TMEM132D: variants seen among roughly 807,000 people sequenced by gnomAD.
The protein encoded by TMEM132D is transmembrane protein 132D.
A neutral mutation model predicts 62.3 loss-of-function variants in TMEM132D; 21 were observed. The ratio of observed to expected loss-of-function variants is 0.34; its 90% CI spans 0.24 to 0.49. The LOEUF (loss-of-function observed/expected upper bound fraction) is 0.49. Among genes scored for constraint, TMEM132D ranks in the 20% least tolerant of loss-of-function variants. The pLI, the probability that TMEM132D is intolerant of heterozygous loss-of-function variation, is 0.99. For missense variants in TMEM132D, 1,346 were observed against 1,402.8 expected (o/e 0.96, Z 0.65); for synonymous variants, 621 against 575.6 (o/e 1.08, Z -1.13).
At chr12:129,405,686 A>G (rs1331943689) in intron 3 of TMEM132D, among the ~76,000 whole-genome samples, 1 of 152,156 alleles carries the variant, frequency 6.6e-6, no homozygotes, top group Non-Finnish European at 1.5e-5. Context: ...TACATGGAGT[A>G]GTCAGGATGA....
At chr12:129,739,538 C>T (rs544858332) in intron 1 of TMEM132D, among the ~76,000 whole-genome samples, 1 of 152,308 alleles carries the variant, frequency 6.6e-6, no homozygotes, top group East Asian at 1.9e-4. Flanking sequence ...AATGGGATTT[C>T]CTGGACTGCT....
intron 2 of TMEM132D, among the ~76,000 whole-genome samples, chr12:129,552,067 T>C (rs940535659): frequency 6.6e-6 from 1 of 152,166 alleles, no homozygotes; most frequent in African/African-American, 2.4e-5. Context: ...GAAAAAGTAC[T>C]AGTGTTGGGC....
intron 3 of TMEM132D, among the ~76,000 whole-genome samples, chr12:129,476,148 C>A (rs2137050261): frequency 6.6e-6 from 1 of 152,274 alleles, no homozygotes; most frequent in Admixed American, 6.5e-5. Context: ...TGGCAACACG[C>A]AGCAAATGTG....
At chr12:129,080,384 A>C (rs566243360) in intron 7 of TMEM132D, among the ~76,000 whole-genome samples, 1 of 152,302 alleles carries the variant, frequency 6.6e-6, no homozygotes, top group Admixed American at 6.5e-5. Context: ...GTCTTTCAGC[A>C]CACACCCAGC....
chr12:129,299,316 T>C (rs1339532452), intron 4 of TMEM132D, among the ~76,000 whole-genome samples: 1 of 152,146 alleles, frequency 6.6e-6, no homozygotes, highest in Non-Finnish European at 1.5e-5. Context: ...AAACTGGTGC[T>C]GATGATACTG....
intron 4 of TMEM132D, among the ~76,000 whole-genome samples, chr12:129,246,908 T>G (rs959062814): frequency 1.3e-5 from 2 of 152,146 alleles, no homozygotes; most frequent in African/African-American, 4.8e-5. Context: ...GCTAGTTGAG[T>G]TCATTTACTG....
Position 129,526,652 on chromosome 12 carries a change from CTTTGT to C in TMEM132D, c.1115+4402_1115+4406del, listed in dbSNP as rs1744326475. 9.9e-5 allele frequency among the ~76,000 whole-genome samples: 15 copies of C among 152,246 alleles called. No homozygotes were observed. The South Asian group carries it at 3.1e-3, about 32-fold the overall frequency. On this transcript the variant is annotated intron_variant, in intron 3 of 8. Transcript: ENST00000422113. ...TGCTGGTAATAAATCATGTTTCCTA[CTTTGT>C]TTTGAAGTATGGTTTGGTCATGTGA...
chr12:129,634,200 C>T (rs748236463), intron 2 of TMEM132D, among the ~76,000 whole-genome samples: 18 of 152,078 alleles, frequency 1.2e-4, no homozygotes, highest in African/African-American at 3.6e-4. Context: ...AGGCAGGACA[C>T]GGTGGCTCAC....
chr12:129,610,905 G>A (rs560439447), intron 2 of TMEM132D, among the ~76,000 whole-genome samples: 4 of 152,278 alleles, frequency 2.6e-5, no homozygotes, highest in African/African-American at 9.6e-5. Context: ...CAAACATTCT[G>A]ATAACAGACA....
chr12:129,719,381 T>C (rs953785320), intron 1 of TMEM132D, among the ~76,000 whole-genome samples: 1 of 152,158 alleles, frequency 6.6e-6, no homozygotes, highest in Non-Finnish European at 1.5e-5. Context: ...TACATTTCCT[T>C]GAATGGAAAA....
At chr12:129,680,000 T>G (rs1044756322) in intron 2 of TMEM132D, among the ~76,000 whole-genome samples, 1 of 152,186 alleles carries the variant, frequency 6.6e-6, no homozygotes, top group East Asian at 1.9e-4. Context: ...TAAATTGCAC[T>G]TGTCCATGCT....
intron 5 of TMEM132D, among the ~76,000 whole-genome samples, chr12:129,139,555 C>G (rs149661100): frequency 6.6e-6 from 1 of 152,162 alleles, no homozygotes; most frequent in Non-Finnish European, 1.5e-5. Flanking sequence ...ATAGAAAACA[C>G]CAAGCAAAAG....
intron 1 of TMEM132D, among the ~76,000 whole-genome samples, chr12:129,811,916 C>T (rs566714780): frequency 2.0e-5 from 3 of 151,844 alleles, no homozygotes; most frequent in African/African-American, 7.2e-5. Context: ...TGGAAGCCAG[C>T]TCTCCTCCAG....
chr12:129,862,056 C>G (rs1873917024), intron 1 of TMEM132D, among the ~76,000 whole-genome samples: 1 of 152,158 alleles, frequency 6.6e-6, no homozygotes, highest in African/African-American at 2.4e-5. Flanking sequence ...CTTGAAAAAC[C>G]CTAGCCTCCA....
At chr12:129,850,235 G>T (rs758736157) in intron 1 of TMEM132D, among the ~76,000 whole-genome samples, 2 of 152,130 alleles carry the variant, frequency 1.3e-5, no homozygotes, top group Non-Finnish European at 2.9e-5. Context: ...CGAGGAACAC[G>T]TGACTCACAG....
At chr12:129,846,593 G>A (rs916685915) in intron 1 of TMEM132D, among the ~76,000 whole-genome samples, 4 of 151,880 alleles carry the variant, frequency 2.6e-5, no homozygotes, top group South Asian at 2.1e-4. Context: ...TTTCCTTTAC[G>A]GCTGGACATC....
intron 3 of TMEM132D, among the ~76,000 whole-genome samples, chr12:129,342,107 A>C (rs7312541): frequency 0.015 from 2,324 of 151,846 alleles, 55 homozygotes; most frequent in African/African-American, 0.053. Context: ...AAAAAGAGCC[A>C]GCATCGCCAA....
chr12:129,572,582 G>A (rs950258399), intron 2 of TMEM132D, among the ~76,000 whole-genome samples: 6 of 152,164 alleles, frequency 3.9e-5, no homozygotes, highest in African/African-American at 1.4e-4. Context: ...CTGAGTAGCT[G>A]GGATTACTAG....
chr12:129,190,093 AG>A (rs1878341918), intron 5 of TMEM132D, among the ~76,000 whole-genome samples: 1 of 109,820 alleles, frequency 9.1e-6, no homozygotes. Flanking sequence ...AGGGAGTCTC[AG>A]GCTTGCAGAT....
Sources: gnomAD v4.1 joint callset for allele counts (sites outside exome capture counted in the v4.1 genomes callset) on GRCh38, gnomAD v4.1.1 for gene constraint, MANE v1.5 for transcripts, NCBI Gene and HGNC (gene_info 2026-07-23, HGNC 2026-07-21) for gene names.